PPP2R2C: variants seen among roughly 807,000 people sequenced by gnomAD.
PPP2R2C encodes the protein protein phosphatase 2 regulatory subunit Bgamma, also known as protein phosphatase 2, regulatory subunit B, gamma.
Under a neutral mutation model 45.3 loss-of-function variants are expected in PPP2R2C, and 10 were observed. The observed-to-expected ratio is 0.22, with a 90% confidence interval of 0.14 to 0.37. The LOEUF (loss-of-function observed/expected upper bound fraction) is 0.37, where lower values mean the gene tolerates loss of function less well. Among genes scored for constraint, PPP2R2C ranks in the 10% least tolerant of loss-of-function variants. PPP2R2C has a pLI of 1.00. For missense variants in PPP2R2C, 308 were observed against 619.7 expected, an observed-to-expected ratio of 0.50 and a Z score of 5.34; for synonymous variants, 257 against 245.4, an observed-to-expected ratio of 1.05 and a Z score of -0.44.
At chr4:6,456,991 T>C (rs1008925249) in intron 1 of PPP2R2C, among the ~76,000 whole-genome samples, 2 of 152,124 alleles carry the variant, frequency 1.3e-5, no homozygotes, top group African/African-American at 4.8e-5. Flanking sequence ...GCAGATCACC[T>C]GAGGTCAGGA....
At chr4:6,519,693 G>C (rs765741866) in intron 2 of PPP2R2C, among the ~76,000 whole-genome samples, 12 of 152,258 alleles carry the variant, frequency 7.9e-5, no homozygotes, top group Non-Finnish European at 1.6e-4. Context: ...AAATAAGCAA[G>C]TTGGGTAACA....
chr4:6,364,447 G>A lies in PPP2R2C; in HGVS notation c.625+8076C>T, dbSNP rs1015748833. Among the ~76,000 whole-genome samples, 2 of 152,278 alleles carry A rather than the reference G, an allele frequency of 1.3e-5. No homozygotes were observed. The highest frequency in any genetic ancestry group is 3.4e-3 in the Middle Eastern group (1 of 292). ...TTACTTCCAGTTGGGAGAAGTTGCT[G>A]AAGGGTTCTGAGCAAGGAGTGACAT... is the stretch of plus-strand genomic sequence containing the variant. On this transcript the variant is annotated intron_variant, in intron 5 of 8. Coordinates refer to ENST00000382599, the MANE Select transcript of PPP2R2C (RefSeq NM_020416.4). This position sits in a 1 kb window ranked among gnomAD's most constrained non-coding sequence, Gnocchi z 5.3.
intron 2 of PPP2R2C, among the ~76,000 whole-genome samples, chr4:6,501,201 T>C (rs1225339213): frequency 6.6e-6 from 1 of 152,156 alleles, no homozygotes; most frequent in Non-Finnish European, 1.5e-5. Context: ...GCTGCACATC[T>C]AACCCAGCTG....
rs551865375 is a variant in PPP2R2C at position 6,345,684 on chromosome 4, C to T, written c.790+2162G>A. 1.7e-4 allele frequency among the ~76,000 whole-genome samples: 26 copies of T among 152,228 alleles called. No individual in the cohort carries two copies. Among genetic ancestry groups the T allele is most frequent in the South Asian group, 4.1e-4 (2 of 4,820 alleles). On this transcript the variant is annotated intron_variant, in intron 6 of 8. Coordinates refer to ENST00000382599, the MANE Select transcript of PPP2R2C (RefSeq NM_020416.4). The surrounding 1 kb of genome is among the most constrained non-coding windows in gnomAD (Gnocchi z 5.3). Reference sequence around the variant, plus strand: ...CCAGAGCCTCCCGAAGGTACCAGCCCGTGGCACCTTCATTATGGCCAGTGA... The same window carrying T: ...CCAGAGCCTCCCGAAGGTACCAGCCTGTGGCACCTTCATTATGGCCAGTGA...
At chr4:6,560,795 G>A (rs1053287501) in intron 1 of PPP2R2C, among the ~76,000 whole-genome samples, 2 of 152,244 alleles carry the variant, frequency 1.3e-5, no homozygotes, top group African/African-American at 4.8e-5. Flanking sequence ...CTTTGAATGT[G>A]TGTTTCCTAA....
chr4:6,548,491 A>G (rs62287262), intron 1 of PPP2R2C, among the ~76,000 whole-genome samples: 48,538 of 151,570 alleles, frequency 0.32, 8,764 homozygotes, highest in East Asian at 0.56. Flanking sequence ...CAGCACAGCG[A>G]CTCCTGAAAA....
At chr4:6,396,417 G>A (rs1271165752) in intron 1 of PPP2R2C, among the ~76,000 whole-genome samples, 7 of 152,218 alleles carry the variant, frequency 4.6e-5, no homozygotes, top group African/African-American at 1.7e-4. Context: ...ACATTCAGCA[G>A]GGCTGACGGA....
chr4:6,512,242 G>A (rs199655728), intron 2 of PPP2R2C, among the ~76,000 whole-genome samples: 1 of 55,080 alleles, frequency 1.8e-5, no homozygotes, highest in African/African-American at 8.3e-5. Flanking sequence ...GATGGTGGGG[G>A]TGGTGGTGGT....
chr4:6,447,388 G>A (rs913254843), intron 1 of PPP2R2C, among the ~76,000 whole-genome samples: 28 of 152,076 alleles, frequency 1.8e-4, no homozygotes, highest in Non-Finnish European at 1.5e-4. Flanking sequence ...ACCCCATCTC[G>A]GGCTGTTGTT....
chr4:6,384,618 A>G (rs1437876559), intron 1 of PPP2R2C: 1 of 985,368 alleles, frequency 1.0e-6, no homozygotes, highest in Admixed American at 6.1e-5. Context: ...ATGCTATTAA[A>G]TTAAAATGCC....
At chr4:6,514,894 C>A (rs553872740) in intron 2 of PPP2R2C, among the ~76,000 whole-genome samples, 2 of 152,288 alleles carry the variant, frequency 1.3e-5, no homozygotes, top group South Asian at 4.1e-4. Flanking sequence ...AGCCTGGGCA[C>A]TCCTTGGCTT....
intron 1 of PPP2R2C, among the ~76,000 whole-genome samples, chr4:6,536,459 A>T (rs1724617496): frequency 6.6e-6 from 1 of 152,276 alleles, no homozygotes; most frequent in South Asian, 2.1e-4. Context: ...ATAATTATTT[A>T]ATCCACATAA....
intron 1 of PPP2R2C, among the ~76,000 whole-genome samples, chr4:6,389,240 T>C (rs1235088296): frequency 6.6e-6 from 1 of 152,204 alleles, no homozygotes; most frequent in Non-Finnish European, 1.5e-5. Context: ...CCCTGGAAAC[T>C]CTGGCCGAGG....
At chr4:6,336,039 G>C (rs970312863) in intron 6 of PPP2R2C, among the ~76,000 whole-genome samples, 1 of 152,130 alleles carries the variant, frequency 6.6e-6, no homozygotes, top group African/African-American at 2.4e-5. Flanking sequence ...GCAGGTGGTC[G>C]CTCCTTCCAG....
intron 2 of PPP2R2C, among the ~76,000 whole-genome samples, chr4:6,478,335 G>A (rs1356327833): frequency 1.3e-5 from 2 of 152,184 alleles, no homozygotes; most frequent in Non-Finnish European, 2.9e-5. Context: ...TTAATATTAG[G>A]TGTAGTCATG....
At chr4:6,510,980 C>CAAAAAAAAAAAAAAAAAAA (rs752037080) in intron 2 of PPP2R2C, among the ~76,000 whole-genome samples, 1 of 41,362 alleles carries the variant, frequency 2.4e-5, no homozygotes, top group African/African-American at 4.2e-5. Context: ...CCGTCTCAAA[C>CAAAAAAAAAAAAAAAAAAA]AAAAAAAAAC....
intron 5 of PPP2R2C, among the ~76,000 whole-genome samples, chr4:6,361,719 G>C (rs1713751233): frequency 6.6e-6 from 1 of 152,232 alleles, no homozygotes; most frequent in Non-Finnish European, 1.5e-5. Context: ...GGCATGCCTT[G>C]GTTTCCAAGA....
chr4:6,432,736 T>C (rs533932741), intron 1 of PPP2R2C, among the ~76,000 whole-genome samples: 190 of 152,298 alleles, frequency 1.2e-3, no homozygotes, highest in African/African-American at 4.3e-3. Context: ...TCAATTTAGG[T>C]TGGGTTTCAC....
intron 1 of PPP2R2C, among the ~76,000 whole-genome samples, chr4:6,554,868 AAAAAAG>A (rs1560620125): frequency 4.7e-5 from 7 of 149,182 alleles, no homozygotes; most frequent in Admixed American, 1.3e-4. Flanking sequence ...TCAAAAAAAA[AAAAAAG>A]AAAAAGAAAA....
Sources: gnomAD v4.1 joint callset for allele counts (sites outside exome capture counted in the v4.1 genomes callset) on GRCh38, gnomAD v4.1.1 for gene constraint, Gnocchi (gnomAD v3.1) non-coding constraint, MANE v1.5 for transcripts, NCBI Gene and HGNC (gene_info 2026-07-23, HGNC 2026-07-21) for gene names.